LIMD1: variants seen among roughly 807,000 people sequenced by gnomAD.
LIMD1 encodes the protein LIM domain-containing protein 1.
Under a neutral mutation model 58.4 loss-of-function variants are expected in LIMD1, and 23 were observed. The observed-to-expected ratio is 0.39, with a 90% CI of 0.28 to 0.56. LIMD1 has a LOEUF of 0.56. LIMD1 is among the 20% of genes least tolerant of loss of function. The pLI is 0.57. For missense variants in LIMD1, 838 were observed against 855.5 expected (o/e 0.98, Z 0.25); for synonymous variants, 334 against 345.5 (o/e 0.97, Z 0.37).
At chr3:45,649,288 C>T (rs1459486031) in intron 2 of LIMD1, among the ~76,000 whole-genome samples, 1 of 152,026 alleles carries the variant, frequency 6.6e-6, no homozygotes, top group Non-Finnish European at 1.5e-5. Flanking sequence ...GCTTGAAGGA[C>T]TTCTCTTAAC....
intron 2 of LIMD1, among the ~76,000 whole-genome samples, chr3:45,660,430 T>TTTC (rs1446938323): frequency 5.6e-5 from 6 of 106,426 alleles, no homozygotes; most frequent in African/African-American, 1.7e-4. Context: ...TTTTTTTTTT[T>TTTC]CCCGAGACGG....
intron 1 of LIMD1, among the ~76,000 whole-genome samples, chr3:45,608,117 G>A (rs1701486171): frequency 2.0e-5 from 3 of 152,264 alleles, no homozygotes; most frequent in Admixed American, 2.0e-4. Flanking sequence ...TACATTAAAT[G>A]TGGGCAGCAA....
chr3:45,662,737 C>T (rs1017460722), intron 2 of LIMD1, among the ~76,000 whole-genome samples: 1 of 152,114 alleles, frequency 6.6e-6, no homozygotes, highest in African/African-American at 2.4e-5. Context: ...TGGCTCACAC[C>T]TGTAATCCCA....
chr3:45,616,062 T>C (rs1701572669), intron 1 of LIMD1, among the ~76,000 whole-genome samples: 1 of 152,250 alleles, frequency 6.6e-6, no homozygotes, highest in South Asian at 2.1e-4. Context: ...TTTCCCTTTC[T>C]GCTACTTGTT....
chr3:45,608,403 A>G (rs977835558), intron 1 of LIMD1, among the ~76,000 whole-genome samples: 1 of 152,134 alleles, frequency 6.6e-6, no homozygotes, highest in Non-Finnish European at 1.5e-5. Context: ...AGGCATGTAC[A>G]TTGGTTGAAC....
At chr3:45,665,745 G>A in intron 3 of LIMD1, 28 bp downstream of exon 3, 1 of 1,604,680 alleles carries the variant, frequency 6.2e-7, no homozygotes, top group Non-Finnish European at 8.5e-7. Context: ...GCCTCCCCTT[G>A]CATGTCCTGG....
intron 1 of LIMD1, among the ~76,000 whole-genome samples, chr3:45,608,217 T>C (rs1701486888): frequency 1.3e-5 from 2 of 152,252 alleles, no homozygotes; most frequent in African/African-American, 4.8e-5. Context: ...CTTCATATTA[T>C]GGAGACTGGA....
chr3:45,653,923 A>AAG (rs1553645762), intron 2 of LIMD1, among the ~76,000 whole-genome samples: 223 of 142,786 alleles, frequency 1.6e-3, no homozygotes, highest in African/African-American at 5.9e-3. Context: ...AAAAAAAAAA[A>AAG]AAAGAAAAAG....
In LIMD1 at chr3:45,595,993, C is replaced by G; in HGVS notation, c.1114C>G (p.Pro372Ala). The change falls in exon 1 of 8, where the codon CCT becomes GCT. Residue 372 changes from proline to alanine, a missense_variant. By Grantham distance (27) the Pro-to-Ala change is conservative. Around this residue, in one of 3 missense-constraint regions of LIMD1, gnomAD observed 659 missense variants for 639.8 expected, o/e 1.03. Coordinates refer to ENST00000273317, the MANE Select transcript of LIMD1 (RefSeq NM_014240.3). ...QGAVPGLGPK[P>A]GCTDLGTGPK... ...TGCGGTCCCTGGGCTGGGGCCGAAG[C>G]CTGGCTGCACAGACCTTGGCACTGG... is the stretch of plus-strand genomic sequence containing the variant. 6.2e-7 allele frequency: 1 copy of G among 1,614,186 alleles called. No homozygotes were observed. The highest frequency in any genetic ancestry group is 8.5e-7 in the Non-Finnish European group (1 of 1,180,024).
In LIMD1 at chr3:45,596,061, C is replaced by T. The variant is rs1246560365; in HGVS notation, c.1182C>T (p.Ser394=). 3 of 1,614,228 alleles carry T rather than the reference C, an allele frequency of 1.9e-6. No individual in the cohort carries two copies. The Admixed American group carries it at 5.0e-5, about 27-fold the overall frequency. Residue 394 remains serine (S), a synonymous_variant, in exon 1 of 8, where the codon TCC becomes TCT. Coordinates refer to ENST00000273317, the MANE Select transcript of LIMD1 (RefSeq NM_014240.3). ...CCAGTCTTGTCCATCCAGTGATGTC[C>T]ACCCTGCCTGAGTTATCTTGTAAAG... ...SPTSLVHPVM[S]TLPELSCKEG...
intron 7 of LIMD1, 88 bp from the exon 8 acceptor site, chr3:45,676,834 C>T (rs1489698916): frequency 4.7e-6 from 6 of 1,278,446 alleles, no homozygotes; most frequent in African/African-American, 1.5e-5. Flanking sequence ...ACACAGCACC[C>T]TCTGCTGATT....
At chr3:45,664,863 C>A (rs1240466359) in intron 2 of LIMD1, among the ~76,000 whole-genome samples, 2 of 152,154 alleles carry the variant, frequency 1.3e-5, no homozygotes, top group African/African-American at 2.4e-5. Flanking sequence ...TTTCTGAAAC[C>A]CCCACATTGC....
In LIMD1 at chr3:45,685,378, CCT is replaced by C; in HGVS notation, c.*8324_*8325del. The C allele has an allele frequency of 6.6e-6, 1 of 152,294 alleles. No homozygotes were observed. The highest frequency in any genetic ancestry group is 2.1e-4 in the South Asian group (1 of 4,830). The allele number at this position is 152,294 out of a possible 1,614,324, so 9.4% of individuals were successfully genotyped here. A position where few individuals can be genotyped will look rare whatever the true frequency, so the allele number is the denominator to read the frequency against. ...ACTGGTAAAGAAACGTCAAACTTTG[CCT>C]CTCTTAGTTCCTTCTACATGACAAT... On this transcript the variant is annotated 3_prime_UTR_variant, in exon 8 of 8. Transcript: ENST00000273317.
chr3:45,661,802 A>G (rs922770668), intron 2 of LIMD1, among the ~76,000 whole-genome samples: 1 of 152,226 alleles, frequency 6.6e-6, no homozygotes, highest in Non-Finnish European at 1.5e-5. Flanking sequence ...TCTATTGCCC[A>G]GGCTGGCGTG....
At chr3:45,667,418 A>G (rs1280268218) in intron 3 of LIMD1, among the ~76,000 whole-genome samples, 3 of 152,138 alleles carry the variant, frequency 2.0e-5, no homozygotes, top group Non-Finnish European at 4.4e-5. Flanking sequence ...TAGGTGCCAG[A>G]CAACAGAAAC....
intron 4 of LIMD1, 152 bp downstream of exon 4, chr3:45,668,508 T>C (rs565026176): frequency 1.2e-4 from 69 of 573,346 alleles, no homozygotes; most frequent in African/African-American, 1.1e-3. Flanking sequence ...CCCAGCACTT[T>C]GGGAGGCCGA....
At chr3:45,607,404 GC>G (rs1701478415) in intron 1 of LIMD1, among the ~76,000 whole-genome samples, 1 of 151,978 alleles carries the variant, frequency 6.6e-6, no homozygotes, top group Admixed American at 6.6e-5. Context: ...TTTAAACTTG[GC>G]CAAGTTCCTT....
chr3:45,646,080 A>G (rs1434134740), intron 2 of LIMD1, among the ~76,000 whole-genome samples: 1 of 151,510 alleles, frequency 6.6e-6, no homozygotes, highest in Non-Finnish European at 1.5e-5. Flanking sequence ...TATGCAGTCC[A>G]GTACAGTAGC....
rs1434294153 is a variant in LIMD1 at position 45,685,818 on chromosome 3, T to C, written c.*8759T>C. On this transcript the variant is annotated 3_prime_UTR_variant, in exon 8 of 8. Coordinates refer to ENST00000273317, the MANE Select transcript of LIMD1 (RefSeq NM_014240.3). ...TAACAACTGAATTTACCTCATGGGA[T>C]TGTGTAATGCCCAACCTTGTTTTTA... 1 of 152,246 alleles carries C rather than the reference T, an allele frequency of 6.6e-6. No homozygotes were observed. The highest frequency in any genetic ancestry group is 2.4e-5 in the African/African-American group (1 of 41,464). 9.4% of individuals were successfully genotyped at this position (152,246 alleles called of 1,614,324 possible).
Sources: allele counts gnomAD v4.1 joint callset (sites outside exome capture counted in the v4.1 genomes callset), GRCh38; gene constraint gnomAD v4.1.1; regional missense constraint gnomAD v4.1.1; transcripts MANE v1.5; gene names NCBI Gene and HGNC (gene_info 2026-07-23, HGNC 2026-07-21).